Variants in PCDH7 observed in about 807,000 individuals in gnomAD.
The protein encoded by PCDH7 is protocadherin 7.
PCDH7 carries 17 observed loss-of-function variants against 58.9 expected under a neutral mutation model. The ratio of observed to expected loss-of-function variants is 0.29; its 90% CI spans 0.20 to 0.43. PCDH7 has a LOEUF of 0.43. PCDH7 is among the 20% of genes least tolerant of loss of function. The pLI is 1.00. For synonymous variants in PCDH7, 664 were observed against 616.4 expected (o/e 1.08, Z -1.14); for missense variants, 1,274 against 1,441.0 (o/e 0.88, Z 1.88).
At chr4:30,897,321 G>A (rs1344920402) in intron 1 of PCDH7, among the ~76,000 whole-genome samples, 1 of 152,020 alleles carries the variant, frequency 6.6e-6, no homozygotes, top group African/African-American at 2.4e-5. Context: ...CATTTGTTAC[G>A]TCACTCATTT....
intron 1 of PCDH7, among the ~76,000 whole-genome samples, chr4:30,822,711 C>T (rs994874519): frequency 2.0e-5 from 3 of 152,022 alleles, no homozygotes; most frequent in Non-Finnish European, 4.4e-5. Flanking sequence ...GCCTTTATTA[C>T]AGAATGCAAC....
At chr4:30,827,763 T>C (rs919603807) in intron 1 of PCDH7, among the ~76,000 whole-genome samples, 3 of 152,112 alleles carry the variant, frequency 2.0e-5, no homozygotes, top group African/African-American at 4.8e-5. Context: ...ACATGATTCG[T>C]ATTCTCAAGA....
In PCDH7 at chr4:31,005,592, C is replaced by T. The variant is rs116246397; in HGVS notation, c.*7+55377C>T. Among the ~76,000 whole-genome samples, 1,221 of 152,238 alleles carry T rather than the reference C, an allele frequency of 8.0e-3. 22 individuals carry two copies. Among genetic ancestry groups the T allele is most frequent in the African/African-American group, 0.028 (1,165 of 41,550 alleles). ...TATCGGCATGATACGATTTCAAAACCATATAACACTTTTTCTCCCTGTGCT... is the reference window on the plus strand; with the variant it reads ...TATCGGCATGATACGATTTCAAAACTATATAACACTTTTTCTCCCTGTGCT... On this transcript the variant is annotated intron_variant, in intron 3 of 3. Coordinates refer to the PCDH7 transcript ENST00000509759.
At chr4:30,919,831 A>G (rs1178118876) in intron 1 of PCDH7, among the ~76,000 whole-genome samples, 13 of 152,210 alleles carry the variant, frequency 8.5e-5, no homozygotes, top group Admixed American at 7.2e-4. Context: ...TCTGGAAAGC[A>G]TATCTGAAGT....
chr4:30,977,078 A>G (rs1244545256), intron 3 of PCDH7, among the ~76,000 whole-genome samples: 4 of 152,194 alleles, frequency 2.6e-5, no homozygotes, highest in Non-Finnish European at 4.4e-5. Flanking sequence ...CACATTAAAC[A>G]TAAAAGATTG....
chr4:30,995,177 C>T (rs534908845), intron 3 of PCDH7, among the ~76,000 whole-genome samples: 8 of 151,870 alleles, frequency 5.3e-5, no homozygotes, highest in Non-Finnish European at 1.0e-4. Context: ...TTCTATTGGT[C>T]GACATTGGTG....
At chr4:30,949,515 T>G (rs1042625084) in intron 2 of PCDH7, among the ~76,000 whole-genome samples, 1 of 152,178 alleles carries the variant, frequency 6.6e-6, no homozygotes, top group Admixed American at 6.6e-5. Context: ...GATTAAACCA[T>G]GTCCACAAAA....
chr4:30,803,495 T>G (rs943514229), intron 1 of PCDH7, among the ~76,000 whole-genome samples: 2 of 152,084 alleles, frequency 1.3e-5, no homozygotes, highest in African/African-American at 4.8e-5. Context: ...AGGGGTGCAG[T>G]GGCATCATTA....
intron 1 of PCDH7, among the ~76,000 whole-genome samples, chr4:30,886,145 T>C (rs1026826495): frequency 3.7e-4 from 56 of 150,716 alleles, no homozygotes; most frequent in Admixed American, 1.1e-3. Flanking sequence ...ACTAAAGAGC[T>C]TCTGCACAGC....
intron 3 of PCDH7, among the ~76,000 whole-genome samples, chr4:30,957,904 C>T (rs1390987414): frequency 6.6e-6 from 1 of 152,046 alleles, no homozygotes; most frequent in Non-Finnish European, 1.5e-5. Context: ...GGATAATTTC[C>T]AAGTATTTTT....
At chr4:31,112,066 G>T (rs1022277233) in intron 3 of PCDH7, among the ~76,000 whole-genome samples, 23 of 152,134 alleles carry the variant, frequency 1.5e-4, no homozygotes, top group African/African-American at 5.6e-4. Flanking sequence ...TAAAAGTTAA[G>T]TATGGGAACA....
At chr4:31,057,737 A>G (rs1757367574) in intron 3 of PCDH7, among the ~76,000 whole-genome samples, 1 of 152,164 alleles carries the variant, frequency 6.6e-6, no homozygotes, top group Non-Finnish European at 1.5e-5. Context: ...CATCACTACA[A>G]CCAGCTATTT....
At chr4:30,750,016 G>A (rs575781326) in intron 1 of PCDH7, among the ~76,000 whole-genome samples, 1 of 152,038 alleles carries the variant, frequency 6.6e-6, no homozygotes, top group African/African-American at 2.4e-5. Flanking sequence ...CTATACAAAA[G>A]GTATTTATAT....
chr4:31,125,537 A>T (rs1397465159), intron 3 of PCDH7, among the ~76,000 whole-genome samples: 1 of 152,210 alleles, frequency 6.6e-6, no homozygotes, highest in African/African-American at 2.4e-5. Flanking sequence ...TTTGGACTTT[A>T]TGATAGTGTG....
intron 3 of PCDH7, among the ~76,000 whole-genome samples, chr4:30,988,541 CAA>C (rs1751185608): frequency 6.6e-6 from 1 of 152,088 alleles, no homozygotes; most frequent in South Asian, 2.1e-4. Context: ...ATTGTTGAAA[CAA>C]GAAATATAAA....
intron 2 of PCDH7, among the ~76,000 whole-genome samples, chr4:30,942,171 A>C (rs945765746): frequency 6.6e-6 from 1 of 152,070 alleles, no homozygotes; most frequent in Non-Finnish European, 1.5e-5. Context: ...TAATTAATGA[A>C]TAAATGAATA....
intron 1 of PCDH7, among the ~76,000 whole-genome samples, chr4:30,871,530 G>A (rs565141928): frequency 6.6e-6 from 1 of 152,050 alleles, no homozygotes; most frequent in East Asian, 1.9e-4. Context: ...CTCTGACAGG[G>A]CAGCCACTTC....
At chr4:30,954,536 T>C (rs891270654) in intron 3 of PCDH7, among the ~76,000 whole-genome samples, 1 of 152,134 alleles carries the variant, frequency 6.6e-6, no homozygotes, top group Non-Finnish European at 1.5e-5. Context: ...ATAAGATTCT[T>C]AGGCCATATT....
intron 1 of PCDH7, among the ~76,000 whole-genome samples, chr4:30,741,089 C>T (rs1717009465): frequency 6.6e-6 from 1 of 151,706 alleles, no homozygotes. Context: ...TGTAATATAA[C>T]TTTGATATCG....
Sources: gnomAD v4.1 joint callset for allele counts (sites outside exome capture counted in the v4.1 genomes callset) on GRCh38, gnomAD v4.1.1 for gene constraint, MANE v1.5 for transcripts, NCBI Gene and HGNC (gene_info 2026-07-23, HGNC 2026-07-21) for gene names.